CNOT4: variants seen among roughly 807,000 people sequenced by gnomAD.
CNOT4 encodes CCR4-NOT transcription complex subunit 4.
CNOT4 carries 8 observed loss-of-function variants against 73.8 expected under a neutral mutation model. The ratio of observed to expected loss-of-function variants is 0.11; its 90% CI spans 0.06 to 0.20. The LOEUF (loss-of-function observed/expected upper bound fraction) is 0.20, where lower values mean the gene tolerates loss of function less well. Ranked by LOEUF, CNOT4 falls within the 10% of genes least tolerant of loss-of-function variation. The probability of loss-of-function intolerance (pLI) is 1.00; values close to 1 mark genes in which losing one functional copy is unlikely to be tolerated. For missense variants in CNOT4, 564 were observed against 883.4 expected, an observed-to-expected ratio of 0.64 and a Z score of 4.58; for synonymous variants, 293 against 321.1, an observed-to-expected ratio of 0.91 and a Z score of 0.94.
At chr7:135,407,233 G>T (rs1585597078) in intron 7 of CNOT4, among the ~76,000 whole-genome samples, 1 of 152,176 alleles carries the variant, frequency 6.6e-6, no homozygotes, top group South Asian at 2.1e-4. Context: ...TGAGCCAAAT[G>T]AATCTCTCTT....
At chr7:135,467,393 TC>T (rs1801286406) in intron 1 of CNOT4, among the ~76,000 whole-genome samples, 1 of 152,136 alleles carries the variant, frequency 6.6e-6, no homozygotes, top group African/African-American at 2.4e-5. Flanking sequence ...CCTTCTTTAG[TC>T]AACACTTTAT....
chr7:135,465,767 G>T (rs1801181008), intron 1 of CNOT4, among the ~76,000 whole-genome samples: 1 of 152,036 alleles, frequency 6.6e-6, no homozygotes, highest in South Asian at 2.1e-4. Context: ...TTAAAATAAG[G>T]CCAGGTGTGG....
rs111809596 is a variant in CNOT4, at chr7:135,428,441, G to A, written c.175-6088C>T. On this transcript the variant is annotated intron_variant, in intron 2 of 11. Coordinates refer to ENST00000541284, the MANE Select transcript of CNOT4 (RefSeq NM_001190850.2). Reference sequence around the variant, plus strand: ...GACAAAGATGTTTTTAAAAAATAATGCTTATCTGTTTAAAAAATATATAAC... The same window carrying A: ...GACAAAGATGTTTTTAAAAAATAATACTTATCTGTTTAAAAAATATATAAC... Among the ~76,000 whole-genome samples, 12 of 152,252 alleles carry A rather than the reference G, an allele frequency of 7.9e-5. 2 individuals are homozygous for A. The South Asian group carries it at 1.7e-3, about 21-fold the overall frequency.
chr7:135,468,890 G>A (rs1027982147), intron 1 of CNOT4, among the ~76,000 whole-genome samples: 1 of 151,918 alleles, frequency 6.6e-6, no homozygotes. Context: ...TCCAAGGAAG[G>A]CTACAAAGAA....
At chr7:135,448,502 C>A (rs921140389) in intron 1 of CNOT4, among the ~76,000 whole-genome samples, 1 of 141,606 alleles carries the variant, frequency 7.1e-6, no homozygotes, top group Non-Finnish European at 1.5e-5. Context: ...AGAGAATCAG[C>A]CTGGGTGACA....
Position 135,438,442 on chromosome 7 carries a change from A to T in CNOT4, c.-92-19T>A. 7.6e-6 allele frequency: 6 copies of T among 791,668 alleles called. No individual in the cohort carries two copies. The highest frequency in any genetic ancestry group is 1.1e-5 in the Non-Finnish European group (6 of 537,244). 49.0% of individuals were successfully genotyped at this position (791,668 alleles called of 1,614,324 possible). On this transcript the variant is annotated intron_variant, in intron 1 of 11. Transcript: ENST00000541284. ...TGACGACCTGCATGAGAAGAAACAAAATACATTGTTTACTACTGGAAAAAT... is the reference window on the plus strand; with the variant it reads ...TGACGACCTGCATGAGAAGAAACAATATACATTGTTTACTACTGGAAAAAT...
At chr7:135,437,966 A>G (rs930767684) in intron 2 of CNOT4, among the ~76,000 whole-genome samples, 192 bp downstream of exon 2, 1 of 152,190 alleles carries the variant, frequency 6.6e-6, no homozygotes, top group Non-Finnish European at 1.5e-5. Flanking sequence ...CAGCTAGTAA[A>G]CAAAGCCAAG....
chr7:135,446,722 GACAC>G (rs138071477), intron 1 of CNOT4, among the ~76,000 whole-genome samples: 4 of 149,296 alleles, frequency 2.7e-5, no homozygotes, highest in Middle Eastern at 3.2e-3. Context: ...TACACACACA[GACAC>G]ACACACACAC....
intron 1 of CNOT4, among the ~76,000 whole-genome samples, chr7:135,439,615 A>G (rs1373337182): frequency 6.6e-6 from 1 of 152,148 alleles, no homozygotes; most frequent in African/African-American, 2.4e-5. Context: ...CCTCATGTCT[A>G]TAACAAATTT....
intron 1 of CNOT4, among the ~76,000 whole-genome samples, chr7:135,493,165 G>A (rs1803229471): frequency 6.6e-6 from 1 of 152,194 alleles, no homozygotes; most frequent in Non-Finnish European, 1.5e-5. Flanking sequence ...GTAGGTCAGA[G>A]CAGGAAAATG....
chr7:135,460,281 C>T (rs1800799459), intron 1 of CNOT4, among the ~76,000 whole-genome samples: 1 of 152,198 alleles, frequency 6.6e-6, no homozygotes. Flanking sequence ...GCATTCAGAA[C>T]TTGGCTAATT....
At chr7:135,503,832 C>T (rs1377846034) in intron 1 of CNOT4, among the ~76,000 whole-genome samples, 1 of 152,054 alleles carries the variant, frequency 6.6e-6, no homozygotes, top group African/African-American at 2.4e-5. Context: ...CTAAAAGCAA[C>T]ACTGTTTATA....
intron 10 of CNOT4, among the ~76,000 whole-genome samples, chr7:135,368,671 C>A (rs1795039789): frequency 6.6e-6 from 1 of 152,214 alleles, no homozygotes; most frequent in African/African-American, 2.4e-5. Flanking sequence ...AGTTCTCCCC[C>A]TCCTCCCACA....
At chr7:135,376,091 T>G (rs1185409948) in intron 10 of CNOT4, among the ~76,000 whole-genome samples, 1 of 148,972 alleles carries the variant, frequency 6.7e-6, no homozygotes, top group Non-Finnish European at 1.5e-5. Flanking sequence ...GGGGGGAAAA[T>G]CTTAACAATG....
intron 1 of CNOT4, among the ~76,000 whole-genome samples, chr7:135,470,461 A>T (rs1463460466): frequency 1.3e-5 from 2 of 152,016 alleles, no homozygotes; most frequent in African/African-American, 2.4e-5. Context: ...CATAATAGCC[A>T]AAACAGAAAG....
At chr7:135,453,954 A>G (rs1800360310) in intron 1 of CNOT4, among the ~76,000 whole-genome samples, 1 of 143,542 alleles carries the variant, frequency 7.0e-6, no homozygotes, top group Non-Finnish European at 1.5e-5. Flanking sequence ...CCTGGGCAAT[A>G]TGGCGAAACC....
At chr7:135,475,772 A>G (rs1279012312) in intron 1 of CNOT4, among the ~76,000 whole-genome samples, 1 of 152,090 alleles carries the variant, frequency 6.6e-6, no homozygotes, top group African/African-American at 2.4e-5. Context: ...TCAGCCACGC[A>G]TGGTGGTGCA....
chr7:135,496,347 C>T (rs976703458), intron 1 of CNOT4, among the ~76,000 whole-genome samples: 2 of 152,210 alleles, frequency 1.3e-5, no homozygotes, highest in Admixed American at 1.3e-4. Flanking sequence ...CTCGCCTTGG[C>T]CTCCCACAGT....
intron 1 of CNOT4, chr7:135,444,371 T>A (rs1263406165): frequency 1.5e-6 from 1 of 684,382 alleles, no homozygotes; most frequent in Non-Finnish European, 2.7e-6. Flanking sequence ...AATCCAAGTG[T>A]CCATCAATGG....
Sources: allele counts gnomAD v4.1 joint callset (sites outside exome capture counted in the v4.1 genomes callset), GRCh38; gene constraint gnomAD v4.1.1; transcripts MANE v1.5; gene names NCBI Gene and HGNC (gene_info 2026-07-23, HGNC 2026-07-21).